Variants in SLC44A3 observed in about 807,000 individuals in gnomAD.
SLC44A3 encodes solute carrier family 44 member 3.
SLC44A3 carries 74 observed loss-of-function variants against 75.4 expected under a neutral mutation model. The observed-to-expected ratio is 0.98, with a 90% CI of 0.81 to 1.19. SLC44A3 has a LOEUF of 1.19. SLC44A3 is among the 50% of genes most tolerant of loss of function. SLC44A3 has a pLI of 0.00. For synonymous variants in SLC44A3, 310 were observed against 296.9 expected (o/e 1.04, Z -0.45); for missense variants, 700 against 778.6 (o/e 0.90, Z 1.20).
chr1:94,885,544 G>A (rs141501671), intron 12 of SLC44A3, among the ~76,000 whole-genome samples: 1 of 152,276 alleles, frequency 6.6e-6, no homozygotes, highest in African/African-American at 2.4e-5. Flanking sequence ...TGCATCTCAT[G>A]AGAACACCAC....
intron 6 of SLC44A3, 87 bp downstream of exon 6, chr1:94,837,958 C>T (rs548534590): frequency 2.6e-5 from 31 of 1,206,178 alleles, no homozygotes; most frequent in Non-Finnish European, 3.5e-5. Context: ...GAAAATTAGC[C>T]TCTTGTTTTA....
At chr1:94,865,810 G>T (rs952260453) in intron 11 of SLC44A3, among the ~76,000 whole-genome samples, 1 of 152,062 alleles carries the variant, frequency 6.6e-6, no homozygotes, top group Non-Finnish European at 1.5e-5. Context: ...TTTACCAATA[G>T]GTTTACATTG....
intron 8 of SLC44A3, chr1:94,843,319 C>G (rs1663912806): frequency 1.3e-5 from 2 of 152,182 alleles, no homozygotes; most frequent in African/African-American, 4.8e-5. Context: ...GAATTGAGTC[C>G]CAGCTCACCT....
At chr1:94,844,188 G>A (rs1347864229) in intron 8 of SLC44A3, among the ~76,000 whole-genome samples, 2 of 152,308 alleles carry the variant, frequency 1.3e-5, no homozygotes, top group South Asian at 4.1e-4. Context: ...GCACACAAGA[G>A]GGGAACCTAA....
At chr1:94,876,457 G>T (rs1668295937) in intron 12 of SLC44A3, among the ~76,000 whole-genome samples, 1 of 152,202 alleles carries the variant, frequency 6.6e-6, no homozygotes. Context: ...CTGTAGGCAC[G>T]TTCCTCGGCT....
At chr1:94,888,910 T>TATAC (rs199517281) in intron 12 of SLC44A3, among the ~76,000 whole-genome samples, 1 of 126,902 alleles carries the variant, frequency 7.9e-6, no homozygotes, top group African/African-American at 2.9e-5. Flanking sequence ...TATATATATA[T>TATAC]ACACATATAT....
chr1:94,844,417 T>C (rs779121694), intron 8 of SLC44A3, among the ~76,000 whole-genome samples: 1 of 152,088 alleles, frequency 6.6e-6, no homozygotes, highest in Non-Finnish European at 1.5e-5. Context: ...TGTCAGCATC[T>C]AGGAAGGATG....
chr1:94,820,761 G>A (rs1371380249), intron 1 of SLC44A3, 188 bp from the exon 2 acceptor site: 1 of 1,403,026 alleles, frequency 7.1e-7, no homozygotes, highest in Non-Finnish European at 9.3e-7. Context: ...CATCCGCTCC[G>A]CGCAGAGCAG....
intron 6 of SLC44A3, 104 bp from the exon 7 acceptor site, chr1:94,839,844 C>A: frequency 1.2e-6 from 1 of 804,468 alleles, no homozygotes; most frequent in South Asian, 1.4e-5. Flanking sequence ...TGAATACAAT[C>A]CTCAGCCGTC....
chr1:94,892,228 A>C, intron 13 of SLC44A3, 53 bp from the exon 14 acceptor site: 1 of 1,521,934 alleles, frequency 6.6e-7, no homozygotes, highest in South Asian at 1.2e-5. Flanking sequence ...ACTGACAAAA[A>C]CATCTAAGCA....
chr1:94,854,985 C>T (rs1482058892), intron 9 of SLC44A3, among the ~76,000 whole-genome samples: 1 of 152,018 alleles, frequency 6.6e-6, no homozygotes, highest in South Asian at 2.1e-4. Context: ...TAGAAGATGG[C>T]TTTGATAAGG....
intron 9 of SLC44A3, 138 bp from the exon 10 acceptor site, chr1:94,857,197 A>T: frequency 2.5e-6 from 2 of 785,266 alleles, no homozygotes; most frequent in East Asian, 2.9e-5. Flanking sequence ...TGTATATTTT[A>T]AATTATGGTG....
chr1:94,894,148 T>A (rs941140860), intron 14 of SLC44A3, among the ~76,000 whole-genome samples: 2 of 152,114 alleles, frequency 1.3e-5, no homozygotes, highest in Non-Finnish European at 2.9e-5. Context: ...TTAAAATAGT[T>A]TTTTCAACAG....
rs1280949692 is a variant in SLC44A3 at position 94,827,659 on chromosome 1, T to G, written c.415+16T>G. On this transcript the variant is annotated intron_variant, in intron 4 of 14. Transcript: ENST00000271227. The stretch of plus-strand genomic sequence containing the variant: ...AACACCAGTGGTAGGCACTAAGGCC[T>G]GGTTTGTTCTTTTCCCCATGATGGG... 8.1e-6 allele frequency: 13 copies of G among 1,613,130 alleles called. No homozygotes were observed. The Admixed American group carries it at 2.0e-4, about 25-fold the overall frequency.
chr1:94,848,123 G>A (rs1419132810), intron 9 of SLC44A3, among the ~76,000 whole-genome samples: 3 of 152,084 alleles, frequency 2.0e-5, no homozygotes, highest in Admixed American at 6.6e-5. Context: ...CAGCTACTCG[G>A]GAGGCTGAGG....
intron 10 of SLC44A3, 111 bp downstream of exon 10, chr1:94,857,611 T>C (rs1666046044): frequency 3.4e-6 from 4 of 1,165,242 alleles, no homozygotes; most frequent in Non-Finnish European, 4.6e-6. Context: ...TTAAAAGAAG[T>C]TGGCAAGAAT....
intron 7 of SLC44A3, among the ~76,000 whole-genome samples, chr1:94,840,313 A>G (rs1218117205): frequency 2.3e-5 from 2 of 87,006 alleles, no homozygotes; most frequent in African/African-American, 9.3e-5. Flanking sequence ...TTTTTGAGGC[A>G]GGCTCTCACT....
At position 94,837,586 on chromosome 1, in the gene SLC44A3, A is replaced by G. The variant is rs1192473280; in HGVS notation, c.510-125A>G. 21 of 864,060 alleles carry G rather than the reference A, an allele frequency of 2.4e-5. No homozygotes were observed. The East Asian group carries it at 6.5e-4, about 27-fold the overall frequency. The allele number at this position is 864,060 out of a possible 1,614,324, so 53.5% of individuals were successfully genotyped here. A position where few individuals can be genotyped will look rare whatever the true frequency, so the allele number is the denominator to read the frequency against. ...TTCTAAGGTGTGCTCTGCAAATGGCATGCTAGACGCCTCTCTATTACTGTA... is the reference window on the plus strand; with the variant it reads ...TTCTAAGGTGTGCTCTGCAAATGGCGTGCTAGACGCCTCTCTATTACTGTA... On this transcript the variant is annotated intron_variant, in intron 5 of 14. Coordinates refer to ENST00000271227, the MANE Select transcript of SLC44A3 (RefSeq NM_001114106.3).
At chr1:94,866,205 G>A (rs1667149008) in intron 11 of SLC44A3, among the ~76,000 whole-genome samples, 1 of 152,116 alleles carries the variant, frequency 6.6e-6, no homozygotes, top group African/African-American at 2.4e-5. Flanking sequence ...TGTGCGCATT[G>A]GTAATAGATA....
Sources: gnomAD v4.1 joint callset for allele counts (sites outside exome capture counted in the v4.1 genomes callset) on GRCh38, gnomAD v4.1.1 for gene constraint, MANE v1.5 for transcripts, NCBI Gene and HGNC (gene_info 2026-07-23, HGNC 2026-07-21) for gene names.